The following AFG2A variants were observed in gnomAD, a reference collection of about 807,000 sequenced individuals.
The protein encoded by AFG2A is AAA ATPase AFG2A.
the AFG2A span, among the ~76,000 whole-genome samples, chr4:123,075,242 C>T: frequency 6.6e-6 from 1 of 152,118 alleles, no homozygotes; most frequent in Non-Finnish European, 1.5e-5. Context: ...CCACGCCCAG[C>T]CTGTTTTATC....
the AFG2A span, chr4:122,934,172 G>T: frequency 6.2e-7 from 1 of 1,614,122 alleles, no homozygotes; most frequent in Middle Eastern, 1.6e-4. Flanking sequence ...CAAGTATTGC[G>T]AGTGAAAGGG....
At chr4:123,268,279 T>C in the AFG2A span, among the ~76,000 whole-genome samples, 1 of 152,044 alleles carries the variant, frequency 6.6e-6, no homozygotes, top group Non-Finnish European at 1.5e-5. Flanking sequence ...CAATTGTTCC[T>C]TAATTGAAAA....
At chr4:123,312,645 C>T in the AFG2A span, among the ~76,000 whole-genome samples, 1 of 152,138 alleles carries the variant, frequency 6.6e-6, no homozygotes, top group Admixed American at 6.5e-5. Context: ...TTTACTAATC[C>T]CTTGAAGTTT....
chr4:123,179,366 A>G, the AFG2A span, among the ~76,000 whole-genome samples: 1 of 152,054 alleles, frequency 6.6e-6, no homozygotes, highest in Non-Finnish European at 1.5e-5. Flanking sequence ...TACGTGACAG[A>G]GTCTCACTGT....
the AFG2A span, among the ~76,000 whole-genome samples, chr4:123,312,855 A>G: frequency 3.9e-4 from 60 of 152,346 alleles, 1 homozygote; most frequent in South Asian, 9.9e-3. Flanking sequence ...CTAAAAAGCT[A>G]CTAAACTGCT....
At chr4:123,215,604 T>G in the AFG2A span, among the ~76,000 whole-genome samples, 1 of 152,012 alleles carries the variant, frequency 6.6e-6, no homozygotes, top group African/African-American at 2.4e-5. Flanking sequence ...TTTTTCCCCC[T>G]TATGCCACAA....
the AFG2A span, among the ~76,000 whole-genome samples, chr4:123,209,953 G>A: frequency 6.6e-6 from 1 of 152,042 alleles, no homozygotes; most frequent in Non-Finnish European, 1.5e-5. Flanking sequence ...ACTCCTTCCA[G>A]GTCCTAAGCA....
chr4:123,058,932 C>G, the AFG2A span, among the ~76,000 whole-genome samples: 1 of 152,148 alleles, frequency 6.6e-6, no homozygotes, highest in South Asian at 2.1e-4. Context: ...ACCAAAGTCT[C>G]ATCTGAGACA....
chr4:123,127,546 AC>A, the AFG2A span, among the ~76,000 whole-genome samples: 4 of 152,122 alleles, frequency 2.6e-5, no homozygotes, highest in Admixed American at 2.6e-4. Flanking sequence ...CGGAAGGTAA[AC>A]AGTTTTTTTT....
chr4:123,294,241 CTG>C, the AFG2A span, among the ~76,000 whole-genome samples: 1 of 152,174 alleles, frequency 6.6e-6, no homozygotes, highest in South Asian at 2.1e-4. Context: ...GACATAAACT[CTG>C]TAAGATTTCT....
chr4:123,154,968 C>G, the AFG2A span, among the ~76,000 whole-genome samples: 1 of 151,818 alleles, frequency 6.6e-6, no homozygotes, highest in African/African-American at 2.4e-5. Flanking sequence ...TGCCTGCTTC[C>G]CTCTTTCCCT....
At chr4:123,218,539 C>T in the AFG2A span, among the ~76,000 whole-genome samples, 1 of 152,018 alleles carries the variant, frequency 6.6e-6, no homozygotes, top group Non-Finnish European at 1.5e-5. Context: ...AAGTCCAATC[C>T]CAGACTCATA....
chr4:123,128,415 AT>A, the AFG2A span, among the ~76,000 whole-genome samples: 1 of 152,112 alleles, frequency 6.6e-6, no homozygotes, highest in Non-Finnish European at 1.5e-5. Flanking sequence ...ACTTTTTCTG[AT>A]ACTTGAGTCA....
At chr4:123,039,272 A>T in the AFG2A span, among the ~76,000 whole-genome samples, 1 of 152,140 alleles carries the variant, frequency 6.6e-6, no homozygotes, top group Non-Finnish European at 1.5e-5. Context: ...GCTTTTGCAG[A>T]CAATTGCTGT....
At chr4:123,290,134 C>T in the AFG2A span, among the ~76,000 whole-genome samples, 1 of 152,136 alleles carries the variant, frequency 6.6e-6, no homozygotes, top group Non-Finnish European at 1.5e-5. Context: ...AATATTTTCT[C>T]TCATTCTTCA....
the AFG2A span, among the ~76,000 whole-genome samples, chr4:123,184,298 C>G: frequency 6.6e-6 from 1 of 152,058 alleles, no homozygotes; most frequent in African/African-American, 2.4e-5. Flanking sequence ...ATGATTTTGG[C>G]ATTCTAAGTA....
chr4:122,977,028 C>T, the AFG2A span, among the ~76,000 whole-genome samples: 1 of 152,198 alleles, frequency 6.6e-6, no homozygotes, highest in East Asian at 1.9e-4. Context: ...TCTTCCACCT[C>T]TCTTCCAACC....
chr4:123,173,340 GTTTTTTTTTTTTTTT>G, the AFG2A span, among the ~76,000 whole-genome samples: 46 of 70,304 alleles, frequency 6.5e-4, 1 homozygote, highest in South Asian at 8.9e-3. Flanking sequence ...AAGTCCAATG[GTTTTTTTTTTTTTTT>G]TTTTTTTTTT....
the AFG2A span, among the ~76,000 whole-genome samples, chr4:123,270,271 T>C: frequency 6.6e-6 from 1 of 152,196 alleles, no homozygotes; most frequent in African/African-American, 2.4e-5. Context: ...CAGAATTGAA[T>C]CTTCCTGTGC....
Sources: allele counts gnomAD v4.1 joint callset (sites outside exome capture counted in the v4.1 genomes callset), GRCh38; gene constraint gnomAD v4.1.1; transcripts MANE v1.5; gene names NCBI Gene and HGNC (gene_info 2026-07-23, HGNC 2026-07-21).